Variants in AFAP1L1 observed in about 807,000 individuals in gnomAD.
The protein encoded by AFAP1L1 is actin filament associated protein 1 like 1, also known as actin filament-associated protein 1-like 1.
Under a neutral mutation model 99.8 loss-of-function variants are expected in AFAP1L1, and 77 were observed. The ratio of observed to expected loss-of-function variants is 0.77; its 90% CI spans 0.64 to 0.93. The LOEUF is 0.93. Ranked by LOEUF, AFAP1L1 falls within the 40% of genes least tolerant of loss-of-function variation. The pLI, the probability that AFAP1L1 is intolerant of heterozygous loss-of-function variation, is 0.00. For synonymous variants in AFAP1L1, 373 were observed against 395.3 expected (o/e 0.94, Z 0.67); for missense variants, 893 against 996.8 (o/e 0.90, Z 1.40).
chr5:149,327,294 T>C (rs79965038), intron 15 of AFAP1L1, among the ~76,000 whole-genome samples: 8,333 of 137,072 alleles, frequency 0.061, 655 homozygotes, highest in Non-Finnish European at 0.09. Flanking sequence ...AATATATTAT[T>C]GATAATAGCT....
chr5:149,298,788 G>A lies in AFAP1L1; in HGVS notation c.17-721G>A, dbSNP rs114231641. Among the ~76,000 whole-genome samples the A allele has an allele frequency of 3.3e-3, 502 of 152,340 alleles. 3 individuals carry two copies. Among genetic ancestry groups the A allele is most frequent in the African/African-American group, 0.011 (472 of 41,564 alleles). The stretch of plus-strand genomic sequence containing the variant: ...CTGTGCTCTAGGATCTTGCAACTCA[G>A]ATGGTCCAGGACCACCAGCATCAGC... On this transcript the variant is annotated intron_variant, in intron 1 of 18. Coordinates refer to ENST00000296721, the MANE Select transcript of AFAP1L1 (RefSeq NM_152406.4).
rs1029286835 is a variant in AFAP1L1, at chr5:149,300,259, T to G, written c.146-12T>G. 3 of 1,607,238 alleles carry G rather than the reference T, an allele frequency of 1.9e-6. No individual in the cohort carries two copies. The highest frequency in any genetic ancestry group is 2.6e-6 in the Non-Finnish European group (3 of 1,175,900). ...TCCTTCACAGCTGGCATGTCCCCCT[T>G]CTTCCTCACAGCAAAGGAGGTCTCC... is the stretch of plus-strand genomic sequence containing the variant. On this transcript the variant is annotated splice_polypyrimidine_tract_variant and intron_variant, in intron 2 of 18. Coordinates refer to ENST00000296721, the MANE Select transcript of AFAP1L1 (RefSeq NM_152406.4).
At position 149,341,784 on chromosome 5, in the gene AFAP1L1, C is replaced by T. The variant is rs187857578; in HGVS notation, c.*1754C>T. 2.1e-4 allele frequency: 32 copies of T among 152,110 alleles called. No homozygotes were observed. Among genetic ancestry groups the T allele is most frequent in the Admixed American group, 1.0e-3 (16 of 15,274 alleles). The allele number at this position is 152,110 out of a possible 1,614,324, so 9.4% of individuals were successfully genotyped here. A position where few individuals can be genotyped will look rare whatever the true frequency, so the allele number is the denominator to read the frequency against. On this transcript the variant is annotated 3_prime_UTR_variant, in exon 19 of 19. Coordinates refer to ENST00000296721, the MANE Select transcript of AFAP1L1 (RefSeq NM_152406.4). ...CCCATCTATTAAAAAAAAAAAGTGG[C>T]TATTATTAGCTATATCAGAAATGTC...
Position 149,298,445 on chromosome 5 carries a change from G to C in AFAP1L1, c.17-1064G>C, listed in dbSNP as rs369921444. ...AGCTTCACTCTAGGCTCTGCTAGCT[G>C]TGTGATCCTGGAGAAGGTATTTAAC... On this transcript the variant is annotated intron_variant, in intron 1 of 18. Transcript: ENST00000296721. Among the ~76,000 whole-genome samples the C allele has an allele frequency of 4.9e-4, 74 of 152,288 alleles. No individual in the cohort carries two copies. The South Asian group carries it at 9.5e-3, about 20-fold the overall frequency.
chr5:149,332,187 A>G (rs1013961443), intron 16 of AFAP1L1, among the ~76,000 whole-genome samples: 4 of 152,236 alleles, frequency 2.6e-5, no homozygotes, highest in African/African-American at 9.6e-5. Context: ...ACTTGAGATC[A>G]GCAGTTTGAG....
chr5:149,309,499 G>A (rs768918383), intron 7 of AFAP1L1, among the ~76,000 whole-genome samples: 3 of 152,100 alleles, frequency 2.0e-5, no homozygotes, highest in East Asian at 1.9e-4. Context: ...TCATTGACTG[G>A]CTCTGTTATG....
At chr5:149,274,884 CAAA>C (rs60097014) in intron 1 of AFAP1L1, among the ~76,000 whole-genome samples, 8 of 123,510 alleles carry the variant, frequency 6.5e-5, no homozygotes, top group Admixed American at 8.3e-5. Flanking sequence ...GATTCTGTCT[CAAA>C]AAAAAAAAAA....
At chr5:149,275,442 T>TTTC (rs201488006) in intron 1 of AFAP1L1, among the ~76,000 whole-genome samples, 18 of 150,786 alleles carry the variant, frequency 1.2e-4, no homozygotes, top group East Asian at 8.0e-4. Flanking sequence ...ATCTCTGGTG[T>TTTC]TTCTTCTTCT....
chr5:149,282,171 G>A (rs1409686439), intron 1 of AFAP1L1, among the ~76,000 whole-genome samples: 3 of 152,178 alleles, frequency 2.0e-5, no homozygotes, highest in African/African-American at 4.8e-5. Context: ...GTCAGGCTGC[G>A]GCAGGGGCAG....
chr5:149,338,957 A>C (rs956136109), intron 18 of AFAP1L1, among the ~76,000 whole-genome samples: 2 of 152,204 alleles, frequency 1.3e-5, no homozygotes, highest in Non-Finnish European at 2.9e-5. Context: ...AGGAACAAAG[A>C]GTGAGCATTA....
At chr5:149,274,898 A>AG (rs1318587863) in intron 1 of AFAP1L1, among the ~76,000 whole-genome samples, 1 of 151,740 alleles carries the variant, frequency 6.6e-6, no homozygotes, top group Non-Finnish European at 1.5e-5. Flanking sequence ...AAAAAAAAAA[A>AG]AAAAGTATTC....
chr5:149,331,875 A>G (rs1757268395), intron 16 of AFAP1L1, among the ~76,000 whole-genome samples: 1 of 152,028 alleles, frequency 6.6e-6, no homozygotes, highest in Non-Finnish European at 1.5e-5. Flanking sequence ...TTCCCTTGTG[A>G]TGCCACAATG....
intron 17 of AFAP1L1, among the ~76,000 whole-genome samples, chr5:149,335,258 T>A (rs1038615702): frequency 3.9e-5 from 6 of 152,088 alleles, no homozygotes; most frequent in Non-Finnish European, 8.8e-5. Flanking sequence ...GAGGCCAAGG[T>A]GGGTGGATTG....
At chr5:149,315,017 C>A (rs576225647) in intron 9 of AFAP1L1, among the ~76,000 whole-genome samples, 1 of 152,286 alleles carries the variant, frequency 6.6e-6, no homozygotes, top group African/African-American at 2.4e-5. Flanking sequence ...AAAAACCCAG[C>A]CTTGGGGAGA....
At chr5:149,299,858 C>T (rs813036) in intron 2 of AFAP1L1, among the ~76,000 whole-genome samples, 117,222 of 151,790 alleles carry the variant, frequency 0.77, 46,400 homozygotes, top group Non-Finnish European at 0.85. Context: ...ACCGACAGCC[C>T]TGGCTGTGCT....
intron 1 of AFAP1L1, among the ~76,000 whole-genome samples, chr5:149,296,918 C>T (rs753006445): frequency 3.3e-5 from 5 of 151,862 alleles, no homozygotes; most frequent in Non-Finnish European, 5.9e-5. Flanking sequence ...GGAGAGATGC[C>T]AAGAAAAAAG....
chr5:149,302,376 C>A, intron 4 of AFAP1L1, 42 bp from the exon 5 acceptor site: 1 of 1,485,140 alleles, frequency 6.7e-7, no homozygotes, highest in Admixed American at 2.0e-5. Flanking sequence ...TCTCTCCCTA[C>A]CCTGCTCCGC....
At chr5:149,325,573 G>C (rs1388639810) in intron 15 of AFAP1L1, among the ~76,000 whole-genome samples, 1 of 152,190 alleles carries the variant, frequency 6.6e-6, no homozygotes, top group African/African-American at 2.4e-5. Flanking sequence ...TCCATGCTGG[G>C]AGAGGCAAGC....
chr5:149,280,020 T>A (rs1755466233), intron 1 of AFAP1L1, among the ~76,000 whole-genome samples: 1 of 152,170 alleles, frequency 6.6e-6, no homozygotes, highest in South Asian at 2.1e-4. Context: ...CAGGACCTAG[T>A]GTAATGCTTG....
Sources: gnomAD v4.1 joint callset for allele counts (sites outside exome capture counted in the v4.1 genomes callset) on GRCh38, gnomAD v4.1.1 for gene constraint, MANE v1.5 for transcripts, NCBI Gene and HGNC (gene_info 2026-07-23, HGNC 2026-07-21) for gene names.